The following PPM1A variants were observed in gnomAD, a reference collection of about 807,000 sequenced individuals.
PPM1A encodes protein phosphatase 1A.
Under a neutral mutation model 35.0 loss-of-function variants are expected in PPM1A, and 7 were observed. The ratio of observed to expected loss-of-function variants is 0.20; its 90% CI spans 0.11 to 0.38. The LOEUF (loss-of-function observed/expected upper bound fraction) is 0.38, where lower values mean the gene tolerates loss of function less well. Among genes scored for constraint, PPM1A ranks in the 10% least tolerant of loss-of-function variants. The pLI, the probability that PPM1A is intolerant of heterozygous loss-of-function variation, is 1.00. For missense variants in PPM1A, 239 were observed against 467.8 expected, an observed-to-expected ratio of 0.51 and a Z score of 4.51; for synonymous variants, 153 against 167.3, an observed-to-expected ratio of 0.91 and a Z score of 0.66.
intron 2 of PPM1A, among the ~76,000 whole-genome samples, chr14:60,285,187 A>T (rs935925806): frequency 2.0e-5 from 3 of 152,194 alleles, no homozygotes; most frequent in African/African-American, 7.2e-5. Flanking sequence ...TAATTTTATC[A>T]GGTACATATA....
intron 5 of PPM1A, 49 bp downstream of exon 5, chr14:60,291,503 A>G: frequency 7.0e-7 from 1 of 1,420,082 alleles, no homozygotes; most frequent in Non-Finnish European, 9.7e-7. Flanking sequence ...TCCACTCTAA[A>G]TGCATATCCT....
intron 1 of PPM1A, among the ~76,000 whole-genome samples, chr14:60,272,690 C>CAAAAAAAAAAAAAAAAAA (rs34892158): frequency 1.5e-5 from 1 of 68,598 alleles, no homozygotes; most frequent in African/African-American, 5.3e-5. Context: ...GACTCTGTCT[C>CAAAAAAAAAAAAAAAAAA]AAAAAAAAAA....
chr14:60,271,697 TTTTTC>T (rs1307355964), intron 1 of PPM1A, among the ~76,000 whole-genome samples: 1 of 152,208 alleles, frequency 6.6e-6, no homozygotes, highest in East Asian at 1.9e-4. Context: ...TGTAGCTGCT[TTTTTC>T]TTTTCATTTC....
At chr14:60,275,629 G>A (rs1383997752) in intron 1 of PPM1A, among the ~76,000 whole-genome samples, 1 of 152,114 alleles carries the variant, frequency 6.6e-6, no homozygotes, top group Admixed American at 6.5e-5. Flanking sequence ...TAGGACTACA[G>A]GCATGCACCA....
rs1329435255 is a variant in PPM1A at position 60,289,737 on chromosome 14, T to A, written c.953-69T>A. 4.9e-6 allele frequency: 5 copies of A among 1,016,092 alleles called. No homozygotes were observed. The highest frequency in any genetic ancestry group is 2.1e-5 in the Admixed American group (1 of 47,548). 62.9% of individuals were successfully genotyped at this position (1,016,092 alleles called of 1,614,324 possible). On this transcript the variant is annotated intron_variant, in intron 3 of 5. Transcript: ENST00000395076. This position sits in a 1 kb window ranked among gnomAD's most constrained non-coding sequence, Gnocchi z 4.1. ...ATGCCATCTTTAAAAAGCTAGGTTA[T>A]CTTTGTTTCGGTTTTCTTTTCAATT...
At position 60,287,462 on chromosome 14, in the gene PPM1A, CAT is replaced by C. The variant is rs1046068883; in HGVS notation, c.952+1723_952+1724del. 8.1e-6 allele frequency: 8 copies of C among 984,888 alleles called. No homozygotes were observed. The African/African-American group carries it at 1.4e-4, about 17-fold the overall frequency. 61.0% of individuals were successfully genotyped at this position (984,888 alleles called of 1,614,324 possible). On this transcript the variant is annotated intron_variant, in intron 3 of 5. Coordinates refer to ENST00000395076, the MANE Select transcript of PPM1A (RefSeq NM_021003.5). Reference sequence around the variant, plus strand: ...CATTAAAATTGCTGCTATTTTAAAACATAGAATGTAACTGTTTGTATTGTAAA... The same window carrying C: ...CATTAAAATTGCTGCTATTTTAAAACAGAATGTAACTGTTTGTATTGTAAA...
intron 4 of PPM1A, among the ~76,000 whole-genome samples, chr14:60,290,438 C>T (rs1430542278): frequency 2.0e-5 from 3 of 152,236 alleles, no homozygotes; most frequent in Non-Finnish European, 4.4e-5. Flanking sequence ...TCCCTTTCCA[C>T]TTTAGTTCAT....
intron 1 of PPM1A, among the ~76,000 whole-genome samples, chr14:60,258,297 C>T (rs916147424): frequency 2.6e-5 from 4 of 152,112 alleles, no homozygotes; most frequent in African/African-American, 9.7e-5. Context: ...TTTCCCAGCT[C>T]CCAGAAATTC....
chr14:60,266,870 AG>A (rs1884445118), intron 1 of PPM1A, among the ~76,000 whole-genome samples: 1 of 152,194 alleles, frequency 6.6e-6, no homozygotes, highest in Non-Finnish European at 1.5e-5. Flanking sequence ...GATTAAATAA[AG>A]GGAGGATAAC....
chr14:60,289,047 T>C lies in PPM1A; in HGVS notation c.953-759T>C, dbSNP rs1294882165. 6.6e-6 allele frequency among the ~76,000 whole-genome samples: 1 copy of C among 152,148 alleles called. No homozygotes were observed. Among genetic ancestry groups the C allele is most frequent in the Non-Finnish European group, 1.5e-5 (1 of 67,966 alleles). ...CTGCATGACAACACTGCAGATCATA[T>C]TGCTGTGCCCTTTTAATAACTGGAT... On this transcript the variant is annotated intron_variant, in intron 3 of 5. Transcript: ENST00000395076. The surrounding 1 kb of genome is among the most constrained non-coding windows in gnomAD (Gnocchi z 4.1).
chr14:60,298,998 G>A lies in PPM1A; in HGVS notation c.*6516G>A, dbSNP rs1032353777. Reference sequence around the variant, plus strand: ...CATTGAAAAATTGCATTCAGCCTGCGAATGGTTGCAGATTGTATGTTAGAT... The same window carrying A: ...CATTGAAAAATTGCATTCAGCCTGCAAATGGTTGCAGATTGTATGTTAGAT... On this transcript the variant is annotated 3_prime_UTR_variant, in exon 6 of 6. Transcript: ENST00000395076. The A allele has an allele frequency of 3.3e-5, 5 of 151,822 alleles. No individual in the cohort carries two copies. Among genetic ancestry groups the A allele is most frequent in the African/African-American group, 7.2e-5 (3 of 41,404 alleles). The allele number at this position is 151,822 out of a possible 1,614,324, so 9.4% of individuals were successfully genotyped here.
Position 60,283,568 on chromosome 14 carries a change from G to C in PPM1A, c.834+31G>C. ...TAGACTTTTTTTAAAAACATAAAAT[G>C]ATTTTATGCCATATTAATCACTACT... On this transcript the variant is annotated intron_variant, in intron 2 of 5. Coordinates refer to ENST00000395076, the MANE Select transcript of PPM1A (RefSeq NM_021003.5). This position sits in a 1 kb window ranked among gnomAD's most constrained non-coding sequence, Gnocchi z 6.3. 6.4e-7 allele frequency: 1 copy of C among 1,564,080 alleles called. No homozygotes were observed. The highest frequency in any genetic ancestry group is 8.6e-7 in the Non-Finnish European group (1 of 1,159,834).
chr14:60,290,668 T>A (rs1887536130), intron 4 of PPM1A, among the ~76,000 whole-genome samples: 1 of 152,156 alleles, frequency 6.6e-6, no homozygotes, highest in Non-Finnish European at 1.5e-5. Context: ...GAAGATATAT[T>A]ATTGACTAAT....
rs1034004202 is a variant in PPM1A at position 60,294,806 on chromosome 14, C to T, written c.*2324C>T. ...ATTAGGCTTGGACACGAGAGAGAAC[C>T]GTATTTGAGTGATGTGAGAAGACTA... On this transcript the variant is annotated 3_prime_UTR_variant, in exon 6 of 6. Transcript: ENST00000395076. 8.6e-5 allele frequency: 13 copies of T among 151,486 alleles called. No homozygotes were observed. Among genetic ancestry groups the T allele is most frequent in the Admixed American group, 5.3e-4 (8 of 15,170 alleles). The allele number at this position is 151,486 out of a possible 1,614,324, so 9.4% of individuals were successfully genotyped here.
rs1397237008 is a variant in PPM1A at position 60,295,902 on chromosome 14, TAA to T, written c.*3422_*3423del. 1 of 151,670 alleles carries T rather than the reference TAA, an allele frequency of 6.6e-6. No homozygotes were observed. The highest frequency in any genetic ancestry group is 2.1e-4 in the South Asian group (1 of 4,834). The allele number at this position is 151,670 out of a possible 1,614,324, so 9.4% of individuals were successfully genotyped here. On this transcript the variant is annotated 3_prime_UTR_variant, in exon 6 of 6. Transcript: ENST00000395076. ...CAGTTTATTTTCTTCTCTCTAAAGT[TAA>T]AGAGTAATTCAGAAGAAAATTTTGC...
chr14:60,290,156 C>G (rs1452882484), intron 4 of PPM1A, among the ~76,000 whole-genome samples: 2 of 152,038 alleles, frequency 1.3e-5, no homozygotes, highest in African/African-American at 2.4e-5. Context: ...GCATTGATTT[C>G]CTCATAGAGC....
At chr14:60,247,217 T>G (rs576914329), upstream of PPM1A, among the ~76,000 whole-genome samples, 13 of 152,246 alleles carry the variant, frequency 8.5e-5, no homozygotes, top group East Asian at 9.6e-4. Context: ...TTTCTTTTTT[T>G]GGGGGGTCGG....
At position 60,289,361 on chromosome 14, in the gene PPM1A, C is replaced by T. The variant is rs111956336; in HGVS notation, c.953-445C>T. Reference sequence around the variant, plus strand: ...AGTTAGTATATAATCTATAAATTCCCCTATAATTAAGGGTTGTTATTTTCA... The same window carrying T: ...AGTTAGTATATAATCTATAAATTCCTCTATAATTAAGGGTTGTTATTTTCA... On this transcript the variant is annotated intron_variant, in intron 3 of 5. Coordinates refer to ENST00000395076, the MANE Select transcript of PPM1A (RefSeq NM_021003.5). The surrounding 1 kb of genome is among the most constrained non-coding windows in gnomAD (Gnocchi z 4.1). Among the ~76,000 whole-genome samples the T allele has an allele frequency of 1.3e-5, 2 of 151,870 alleles. No homozygotes were observed. Among genetic ancestry groups the T allele is most frequent in the Admixed American group, 6.5e-5 (1 of 15,272 alleles).
intron 1 of PPM1A, among the ~76,000 whole-genome samples, chr14:60,261,217 G>A (rs565743763): frequency 6.6e-6 from 1 of 152,072 alleles, no homozygotes; most frequent in Non-Finnish European, 1.5e-5. Flanking sequence ...CTGAGGAGGG[G>A]CAAAGTGATA....
Sources: allele counts gnomAD v4.1 joint callset (sites outside exome capture counted in the v4.1 genomes callset), GRCh38; gene constraint gnomAD v4.1.1; non-coding constraint Gnocchi (gnomAD v3.1); transcripts MANE v1.5; gene names NCBI Gene and HGNC (gene_info 2026-07-23, HGNC 2026-07-21).